PRR11: variants seen among roughly 807,000 people sequenced by gnomAD.
The protein encoded by PRR11 is proline rich 11, also known as proline-rich protein 11.
Under a neutral mutation model 45.6 loss-of-function variants are expected in PRR11, and 30 were observed. The observed-to-expected ratio is 0.66, with a 90% CI of 0.49 to 0.89. PRR11 has a LOEUF of 0.89. PRR11 is among the 40% of genes least tolerant of loss of function. PRR11 has a pLI of 0.00. For missense variants in PRR11, 373 were observed against 424.8 expected (o/e 0.88, Z 1.07); for synonymous variants, 128 against 153.5 (o/e 0.83, Z 1.23).
At chr17:59,169,362 T>C (rs1290954537) in intron 1 of PRR11, among the ~76,000 whole-genome samples, 1 of 152,092 alleles carries the variant, frequency 6.6e-6, no homozygotes, top group East Asian at 1.9e-4. Flanking sequence ...CCTCCCAAAG[T>C]GCTGAGATTA....
intron 7 of PRR11, among the ~76,000 whole-genome samples, chr17:59,196,575 C>A (rs926080394): frequency 2.6e-5 from 4 of 151,970 alleles, no homozygotes; most frequent in Admixed American, 2.6e-4. Flanking sequence ...CGGGGTTTCA[C>A]TATGTTGGCC....
chr17:59,186,008 A>G (rs1331975466), intron 4 of PRR11, among the ~76,000 whole-genome samples: 2 of 152,230 alleles, frequency 1.3e-5, no homozygotes, highest in Non-Finnish European at 2.9e-5. Flanking sequence ...GCTTTGTCAG[A>G]TAAATGAGGG....
chr17:59,165,210 C>T (rs922279135), intron 1 of PRR11, among the ~76,000 whole-genome samples: 5 of 151,562 alleles, frequency 3.3e-5, no homozygotes, highest in Admixed American at 2.6e-4. Context: ...TTAGTAGAGA[C>T]GGGGTTTCAC....
intron 1 of PRR11, among the ~76,000 whole-genome samples, chr17:59,157,216 T>C (rs143971524): frequency 1.3e-5 from 2 of 152,344 alleles, no homozygotes; most frequent in African/African-American, 4.8e-5. Flanking sequence ...AAACATTATT[T>C]AGCTCCTGCT....
intron 1 of PRR11, among the ~76,000 whole-genome samples, chr17:59,158,595 C>T (rs561564756): frequency 5.9e-4 from 89 of 151,656 alleles, no homozygotes; most frequent in African/African-American, 2.1e-3. Context: ...TGTACAAAGA[C>T]GGCAATTGAC....
In PRR11 at chr17:59,194,337, C is replaced by T. The variant is rs369107266; in HGVS notation, c.646-420C>T. ...AACCTGGAGCCTATTGTTATATTTG[C>T]CCTAATTATACCTCTCTGATTGTAT... On this transcript the variant is annotated intron_variant, in intron 5 of 9. Coordinates refer to ENST00000262293, the MANE Select transcript of PRR11 (RefSeq NM_018304.4). 1.9e-4 allele frequency among the ~76,000 whole-genome samples: 28 copies of T among 151,016 alleles called. No homozygotes were observed. The East Asian group carries it at 3.5e-3, about 19-fold the overall frequency.
At position 59,201,949 on chromosome 17, in the gene PRR11, C is replaced by A; in HGVS notation, c.*318C>A. ...TCGCGTCATTGCACTCCAGCCTGAG[C>A]AACAAGAGCAAAACAAAAACAAACA... On this transcript the variant is annotated 3_prime_UTR_variant, in exon 10 of 10. Coordinates refer to ENST00000262293, the MANE Select transcript of PRR11 (RefSeq NM_018304.4). The A allele has an allele frequency of 3.9e-6, 1 of 254,018 alleles. No homozygotes were observed. The allele number at this position is 254,018 out of a possible 1,614,324, so 15.7% of individuals were successfully genotyped here.
intron 2 of PRR11, among the ~76,000 whole-genome samples, chr17:59,182,364 T>G (rs2046792269): frequency 6.7e-6 from 1 of 148,606 alleles, no homozygotes; most frequent in African/African-American, 2.5e-5. Flanking sequence ...CCTCCTCAGG[T>G]TCTCCTTCCT....
At chr17:59,194,718 G>A (rs2291193) in intron 5 of PRR11, 39 bp from the exon 6 acceptor site, 519,370 of 1,498,900 alleles carry the variant, frequency 0.35, 93,548 homozygotes, top group African/African-American at 0.56. Context: ...CAGTTGTGCT[G>A]GTTCCAATTT....
intron 1 of PRR11, among the ~76,000 whole-genome samples, chr17:59,162,249 C>CACACACAG (rs993569080): frequency 1.9e-4 from 26 of 135,106 alleles, no homozygotes; most frequent in African/African-American, 7.4e-4. Flanking sequence ...CACACACACA[C>CACACACAG]AGAGAGAGAG....
intron 1 of PRR11, among the ~76,000 whole-genome samples, chr17:59,165,545 C>T (rs1409159127): frequency 6.6e-6 from 1 of 151,922 alleles, no homozygotes; most frequent in Non-Finnish European, 1.5e-5. Flanking sequence ...GTAATCCCAG[C>T]ACTTTGGGAG....
intron 9 of PRR11, among the ~76,000 whole-genome samples, chr17:59,199,142 T>C (rs2046880113): frequency 6.6e-6 from 1 of 152,178 alleles, no homozygotes; most frequent in South Asian, 2.1e-4. Flanking sequence ...AGAGAGGAAC[T>C]TGATCTAGCC....
intron 1 of PRR11, among the ~76,000 whole-genome samples, chr17:59,165,898 G>A (rs1201384097): frequency 6.6e-6 from 1 of 152,190 alleles, no homozygotes; most frequent in East Asian, 1.9e-4. Flanking sequence ...AAGAAAAAGT[G>A]ATATAATAAA....
At chr17:59,179,011 A>C (rs910872361) in intron 2 of PRR11, among the ~76,000 whole-genome samples, 2 of 151,916 alleles carry the variant, frequency 1.3e-5, no homozygotes, top group African/African-American at 4.8e-5. Flanking sequence ...TTATTTATTT[A>C]TTTATTGAGA....
chr17:59,163,308 C>T (rs1464593615), intron 1 of PRR11, among the ~76,000 whole-genome samples: 1 of 152,094 alleles, frequency 6.6e-6, no homozygotes, highest in Non-Finnish European at 1.5e-5. Context: ...GTCTCAAACT[C>T]GGGACCTCAG....
chr17:59,156,763 G>T (rs952664501), intron 1 of PRR11, among the ~76,000 whole-genome samples: 24 of 151,938 alleles, frequency 1.6e-4, no homozygotes, highest in African/African-American at 5.1e-4. Flanking sequence ...TGAGTAGCTG[G>T]GAGTACAGGC....
chr17:59,184,694 C>T (rs2046804943), intron 2 of PRR11, among the ~76,000 whole-genome samples: 1 of 152,224 alleles, frequency 6.6e-6, no homozygotes, highest in Admixed American at 6.5e-5. Flanking sequence ...AGTTTGCTAT[C>T]TCTCTCCTAG....
rs938029036 is a variant in PRR11, at chr17:59,200,654, G to A, written c.1015-909G>A. On this transcript the variant is annotated intron_variant, in intron 9 of 9. Coordinates refer to ENST00000262293, the MANE Select transcript of PRR11 (RefSeq NM_018304.4). ...ACTACAGGCGCCCGCCACCACGCCC[G>A]GCTAATTTTTTGTATTTTTAGTAGA... 4.6e-5 allele frequency among the ~76,000 whole-genome samples: 7 copies of A among 151,952 alleles called. No homozygotes were observed. The East Asian group carries it at 5.8e-4, about 13-fold the overall frequency.
At chr17:59,188,071 A>G (rs966867435) in intron 4 of PRR11, among the ~76,000 whole-genome samples, 3 of 152,172 alleles carry the variant, frequency 2.0e-5, no homozygotes. Flanking sequence ...ATGTAATTAT[A>G]CCTAGCAACT....
Sources: allele counts gnomAD v4.1 joint callset (sites outside exome capture counted in the v4.1 genomes callset), GRCh38; gene constraint gnomAD v4.1.1; transcripts MANE v1.5; gene names NCBI Gene and HGNC (gene_info 2026-07-23, HGNC 2026-07-21).